The following KCNQ5 variants were observed in gnomAD, a reference collection of about 807,000 sequenced individuals.
KCNQ5 encodes potassium voltage-gated channel subfamily KQT member 5.
A neutral mutation model predicts 98.2 loss-of-function variants in KCNQ5; 30 were observed. The observed-to-expected ratio is 0.31, with a 90% CI of 0.23 to 0.41. KCNQ5 has a LOEUF of 0.41. Ranked by LOEUF, KCNQ5 falls within the 10% of genes least tolerant of loss-of-function variation. The pLI, the probability that KCNQ5 is intolerant of heterozygous loss-of-function variation, is 1.00. For synonymous variants in KCNQ5, 458 were observed against 449.4 expected, an observed-to-expected ratio of 1.02 and a Z score of -0.24; for missense variants, 835 against 1,182.5, an observed-to-expected ratio of 0.71 and a Z score of 4.31.
intron 1 of KCNQ5, among the ~76,000 whole-genome samples, chr6:72,715,534 T>C (rs1425014994): frequency 6.6e-6 from 1 of 152,174 alleles, no homozygotes; most frequent in Non-Finnish European, 1.5e-5. Flanking sequence ...AATACAGGAA[T>C]GAGCAGAAGG....
At chr6:73,013,088 T>C (rs1405506679) in intron 2 of KCNQ5, among the ~76,000 whole-genome samples, 1 of 152,064 alleles carries the variant, frequency 6.6e-6, no homozygotes, top group East Asian at 1.9e-4. Context: ...TATTATATTT[T>C]ATAATAGAAA....
chr6:73,147,825 A>T (rs1735377673), intron 10 of KCNQ5, among the ~76,000 whole-genome samples: 1 of 152,160 alleles, frequency 6.6e-6, no homozygotes, highest in Admixed American at 6.5e-5. Flanking sequence ...GGCAAACGGT[A>T]TGACATTATT....
chr6:72,869,835 C>A (rs559210749), intron 1 of KCNQ5, among the ~76,000 whole-genome samples: 10 of 152,246 alleles, frequency 6.6e-5, no homozygotes, highest in African/African-American at 2.2e-4. Context: ...TGGGGTGCAC[C>A]ACAACTTCAG....
At chr6:73,078,669 C>A (rs1773636875) in intron 5 of KCNQ5, among the ~76,000 whole-genome samples, 3 of 152,150 alleles carry the variant, frequency 2.0e-5, no homozygotes, top group South Asian at 2.1e-4. Flanking sequence ...TCAGTTCAAC[C>A]TCCACTAGGC....
intron 1 of KCNQ5, among the ~76,000 whole-genome samples, chr6:72,662,914 C>T (rs1197460959): frequency 1.3e-5 from 2 of 152,174 alleles, no homozygotes; most frequent in East Asian, 3.8e-4. Context: ...CTATGCATAT[C>T]AGTGAGTGTA....
chr6:73,009,750 G>T (rs762416312), intron 2 of KCNQ5, among the ~76,000 whole-genome samples: 11 of 152,122 alleles, frequency 7.2e-5, no homozygotes, highest in Non-Finnish European at 1.5e-4. Flanking sequence ...GTGAACAATT[G>T]TATGCCAACA....
At chr6:73,143,576 A>G (rs1437446135) in intron 10 of KCNQ5, 1 of 152,092 alleles carries the variant, frequency 6.6e-6, no homozygotes, top group Non-Finnish European at 1.5e-5. Flanking sequence ...CACCATTGTG[A>G]GGTTTATGTG....
At chr6:72,661,415 G>A (rs1766518318) in intron 1 of KCNQ5, among the ~76,000 whole-genome samples, 1 of 152,198 alleles carries the variant, frequency 6.6e-6, no homozygotes, top group East Asian at 1.9e-4. Flanking sequence ...AAAAGTGAAT[G>A]CCTTCCTTGA....
intron 2 of KCNQ5, among the ~76,000 whole-genome samples, chr6:73,034,885 G>T (rs1173337404): frequency 1.6e-5 from 2 of 127,504 alleles, no homozygotes; most frequent in African/African-American, 6.0e-5. Flanking sequence ...TCGCTCTGTT[G>T]CCCAAGCTGG....
At chr6:72,678,047 A>G (rs139199974) in intron 1 of KCNQ5, among the ~76,000 whole-genome samples, 33 of 152,338 alleles carry the variant, frequency 2.2e-4, no homozygotes, top group African/African-American at 7.7e-4. Context: ...GAGGCCTGTT[A>G]GCATAAAGGA....
intron 1 of KCNQ5, among the ~76,000 whole-genome samples, chr6:72,771,417 G>A (rs6940084): frequency 0.6 from 90,506 of 151,920 alleles, 26,980 homozygotes; most frequent in Admixed American, 0.63. Context: ...AAAGCCAATA[G>A]TGTACAAGGA....
intron 1 of KCNQ5, among the ~76,000 whole-genome samples, chr6:72,813,100 T>G (rs530051824): frequency 5.3e-5 from 8 of 152,344 alleles, no homozygotes; most frequent in African/African-American, 1.9e-4. Flanking sequence ...AAATGCTGTT[T>G]ATTCACTCAT....
intron 11 of KCNQ5, among the ~76,000 whole-genome samples, chr6:73,180,403 T>C (rs1470620199): frequency 6.6e-6 from 1 of 152,238 alleles, no homozygotes; most frequent in Non-Finnish European, 1.5e-5. Flanking sequence ...TAACTACTTC[T>C]TGCATGAAAC....
intron 3 of KCNQ5, among the ~76,000 whole-genome samples, chr6:73,073,441 C>G (rs59148261): frequency 0.019 from 2,867 of 152,242 alleles, 72 homozygotes; most frequent in African/African-American, 0.063. Flanking sequence ...CAACCCTAGT[C>G]TCTACCACTA....
chr6:73,110,767 T>C (rs1396458147), intron 6 of KCNQ5, among the ~76,000 whole-genome samples: 1 of 152,214 alleles, frequency 6.6e-6, no homozygotes, highest in Non-Finnish European at 1.5e-5. Flanking sequence ...ACAGATTTTA[T>C]ACAGTCCTCT....
intron 1 of KCNQ5, among the ~76,000 whole-genome samples, chr6:72,778,850 T>C (rs1219812575): frequency 6.6e-6 from 1 of 152,200 alleles, no homozygotes; most frequent in Admixed American, 6.5e-5. Flanking sequence ...GAAGTTCAAA[T>C]AGTTTTCAAA....
chr6:72,704,966 A>C lies in KCNQ5; in HGVS notation c.398+82379A>C, dbSNP rs553004678. ...ACACAATAGCTTAGCCCACCTTTCA[A>C]ATTATTTCTAATATGATTCTTTCAT... On this transcript the variant is annotated intron_variant, in intron 1 of 13. Transcript: ENST00000370398. Among the ~76,000 whole-genome samples the C allele has an allele frequency of 2.4e-4, 37 of 152,290 alleles. 1 individual carries two copies. The South Asian group carries it at 7.3e-3, about 30-fold the overall frequency.
At chr6:72,702,650 T>C (rs1307517562) in intron 1 of KCNQ5, among the ~76,000 whole-genome samples, 37 of 152,190 alleles carry the variant, frequency 2.4e-4, no homozygotes, top group Admixed American at 2.4e-3. Context: ...TGTTCTCCCA[T>C]GTCTTCAGCA....
At chr6:72,951,282 T>C (rs754134587) in intron 1 of KCNQ5, among the ~76,000 whole-genome samples, 29 of 152,086 alleles carry the variant, frequency 1.9e-4, no homozygotes, top group Non-Finnish European at 3.5e-4. Flanking sequence ...TTTTGGTTTT[T>C]GCTTGTTTGT....
Sources: gnomAD v4.1 joint callset for allele counts (sites outside exome capture counted in the v4.1 genomes callset) on GRCh38, gnomAD v4.1.1 for gene constraint, MANE v1.5 for transcripts, NCBI Gene and HGNC (gene_info 2026-07-23, HGNC 2026-07-21) for gene names.